Variants in EIF3L observed in about 807,000 individuals in gnomAD.
The protein encoded by EIF3L is eukaryotic translation initiation factor 3 subunit L.
Under a neutral mutation model 74.6 loss-of-function variants are expected in EIF3L, and 32 were observed. The ratio of observed to expected loss-of-function variants is 0.43; its 90% CI spans 0.32 to 0.58. The LOEUF is 0.58. Ranked by LOEUF, EIF3L falls within the 20% of genes least tolerant of loss-of-function variation. The pLI is 0.06. For synonymous variants in EIF3L, 256 were observed against 254.4 expected, an observed-to-expected ratio of 1.01 and a Z score of -0.06; for missense variants, 474 against 707.8, an observed-to-expected ratio of 0.67 and a Z score of 3.75.
intron 7 of EIF3L, among the ~76,000 whole-genome samples, chr22:37,869,015 T>C (rs1926333945): frequency 6.6e-6 from 1 of 152,180 alleles, no homozygotes; most frequent in Admixed American, 6.5e-5. Context: ...GATCTCATGA[T>C]CCATCCACCT....
chr22:37,866,859 A>T (rs1926178622), intron 7 of EIF3L, among the ~76,000 whole-genome samples: 1 of 152,168 alleles, frequency 6.6e-6, no homozygotes, highest in African/African-American at 2.4e-5. Context: ...TATACAATAA[A>T]ATGTACCAGA....
At chr22:37,872,746 G>A (rs1270621234) in intron 8 of EIF3L, among the ~76,000 whole-genome samples, 1 of 151,398 alleles carries the variant, frequency 6.6e-6, no homozygotes, top group Middle Eastern at 3.3e-3. Context: ...AGCCTCCCAA[G>A]TAGCTAGGAA....
At chr22:37,888,236 T>C (rs1371369983) in intron 12 of EIF3L, 190 bp from the exon 13 acceptor site, 12 of 556,656 alleles carry the variant, frequency 2.2e-5, no homozygotes, top group Non-Finnish European at 3.8e-5. Flanking sequence ...GATAAAAGAA[T>C]AATCCGCGTG....
chr22:37,851,463 A>G lies in EIF3L; in HGVS notation c.266A>G (p.Tyr89Cys), dbSNP rs763941591. 24 of 1,613,258 alleles carry G rather than the reference A, an allele frequency of 1.5e-5. No individual in the cohort carries two copies. The highest frequency in any genetic ancestry group is 1.8e-5 in the Non-Finnish European group (21 of 1,179,530). ...VSSDVIDQKV[Y>C]EIQDIYENSW... is the part of the protein sequence containing the mutation. ...AGTGATGTCATTGACCAGAAGGTGT[A>G]TGAGATCCAGGACATCTATGAGAAC... is the stretch of plus-strand genomic sequence containing the variant. The change falls in exon 3 of 13, where the codon TAT becomes TGT. Residue 89 changes from tyrosine to cysteine, a missense_variant. This residue lies in a region of EIF3L where 141 missense variants were observed against 197.7 expected (regional missense o/e 0.71). Coordinates refer to ENST00000652021, the MANE Select transcript of EIF3L (RefSeq NM_016091.4).
chr22:37,858,562 A>G, intron 4 of EIF3L, 117 bp from the exon 5 acceptor site: 4 of 878,582 alleles, frequency 4.6e-6, no homozygotes, highest in Non-Finnish European at 7.4e-6. Flanking sequence ...TATGCATAGC[A>G]ATTTAGATGT....
chr22:37,860,529 C>T (rs1473453224), intron 5 of EIF3L, among the ~76,000 whole-genome samples: 3 of 152,120 alleles, frequency 2.0e-5, no homozygotes, highest in Admixed American at 2.0e-4. Flanking sequence ...TGCACCACCA[C>T]GCCTGGCTAA....
At chr22:37,864,053 G>C (rs1287570302) in intron 7 of EIF3L, among the ~76,000 whole-genome samples, 6 of 151,148 alleles carry the variant, frequency 4.0e-5, no homozygotes, top group South Asian at 4.2e-4. Context: ...AACAGTGCAA[G>C]ACTCCATCTC....
intron 5 of EIF3L, among the ~76,000 whole-genome samples, chr22:37,860,253 T>C (rs1175800382): frequency 1.3e-5 from 2 of 152,258 alleles, no homozygotes; most frequent in East Asian, 1.9e-4. Flanking sequence ...CCAAGTTAAT[T>C]GGACTAAAAG....
At chr22:37,870,872 C>G (rs544513823) in intron 8 of EIF3L, among the ~76,000 whole-genome samples, 1 of 152,206 alleles carries the variant, frequency 6.6e-6, no homozygotes, top group African/African-American at 2.4e-5. Context: ...CACCTGTAAT[C>G]CCAGCACTTT....
chr22:37,849,927 A>C, intron 1 of EIF3L, 88 bp from the exon 2 acceptor site: 1 of 1,434,324 alleles, frequency 7.0e-7, no homozygotes, highest in Non-Finnish European at 9.8e-7. Context: ...CTGTATCCTT[A>C]GCTCTCTGCT....
chr22:37,859,647 G>A (rs1265161871), intron 5 of EIF3L, among the ~76,000 whole-genome samples: 1 of 151,530 alleles, frequency 6.6e-6, no homozygotes, highest in Non-Finnish European at 1.5e-5. Flanking sequence ...CTCCCAAAGT[G>A]CTGGGATGAC....
chr22:37,875,772 T>G, intron 9 of EIF3L, 69 bp from the exon 10 acceptor site: 1 of 1,478,940 alleles, frequency 6.8e-7, no homozygotes, highest in Non-Finnish European at 9.2e-7. Flanking sequence ...AAACTCTTGG[T>G]GTTTCTACCT....
In EIF3L at chr22:37,874,493, A is replaced by G. The variant is rs772330883; in HGVS notation, c.875A>G (p.Lys292Arg). Residue 292 changes from lysine to arginine, a missense_variant, in exon 9 of 13, where the codon AAG becomes AGG. Lys to Arg is a conservative substitution (Grantham distance 26). This residue lies in a region of EIF3L where 293 missense variants were observed against 469.1 expected (regional missense o/e 0.62). Coordinates refer to ENST00000652021, the MANE Select transcript of EIF3L (RefSeq NM_016091.4). The stretch of plus-strand genomic sequence containing the variant: ...TTAGGAGATTACTACCAGGCCATCA[A>G]GGTGCTGGAGAACATCGAACTGAAC... ...SLLGDYYQAIKVLENIELNKK... is the reference protein window; with the variant it reads ...SLLGDYYQAIRVLENIELNKK... 17 of 1,613,990 alleles carry G rather than the reference A, an allele frequency of 1.1e-5. No individual in the cohort carries two copies. The African/African-American group carries it at 1.1e-4, about 10-fold the overall frequency.
chr22:37,859,435 A>G (rs958647143), intron 5 of EIF3L, among the ~76,000 whole-genome samples: 3 of 131,562 alleles, frequency 2.3e-5, no homozygotes, highest in Non-Finnish European at 4.6e-5. Context: ...AGGCTGGAGT[A>G]CAGTGGCGCG....
At chr22:37,859,374 C>CTTTGTTTTTTTT (rs1925719540) in intron 5 of EIF3L, among the ~76,000 whole-genome samples, 1 of 79,162 alleles carries the variant, frequency 1.3e-5, no homozygotes, top group African/African-American at 5.7e-5. Flanking sequence ...CGTGAAGTTT[C>CTTTGTTTTTTTT]TTTTTTTTTT....
intron 3 of EIF3L, among the ~76,000 whole-genome samples, chr22:37,852,316 TAA>T (rs1356846628): frequency 1.3e-5 from 2 of 152,126 alleles, no homozygotes; most frequent in Non-Finnish European, 2.9e-5. Flanking sequence ...AGCACAGAAA[TAA>T]GTCATGTAGC....
chr22:37,872,938 G>A (rs1228711329), intron 8 of EIF3L, among the ~76,000 whole-genome samples: 1 of 152,122 alleles, frequency 6.6e-6, no homozygotes, highest in East Asian at 1.9e-4. Flanking sequence ...TTTGAGGTAT[G>A]ACAGGTTTAC....
chr22:37,856,347 G>T (rs1221210925), intron 4 of EIF3L, among the ~76,000 whole-genome samples: 2 of 152,040 alleles, frequency 1.3e-5, no homozygotes, highest in African/African-American at 4.8e-5. Context: ...AAAGTGCTAG[G>T]ATTATAGGCA....
intron 8 of EIF3L, among the ~76,000 whole-genome samples, chr22:37,872,329 G>A (rs1416412943): frequency 6.6e-6 from 1 of 152,056 alleles, no homozygotes; most frequent in African/African-American, 2.4e-5. Context: ...TGACCATGTT[G>A]GCCAGGCTGC....
Sources: gnomAD v4.1 joint callset for allele counts (sites outside exome capture counted in the v4.1 genomes callset) on GRCh38, gnomAD v4.1.1 for gene constraint, gnomAD v4.1.1 regional missense constraint, MANE v1.5 for transcripts, NCBI Gene and HGNC (gene_info 2026-07-23, HGNC 2026-07-21) for gene names.